TMOD1: variants seen among roughly 807,000 people sequenced by gnomAD.
TMOD1 encodes tropomodulin 1.
TMOD1 carries 17 observed loss-of-function variants against 40.6 expected under a neutral mutation model. The ratio of observed to expected loss-of-function variants is 0.42; its 90% CI spans 0.29 to 0.63. The LOEUF is 0.63. Ranked by LOEUF, TMOD1 falls within the 20% of genes least tolerant of loss-of-function variation. TMOD1 has a pLI of 0.22. For missense variants in TMOD1, 391 were observed against 447.6 expected (o/e 0.87, Z 1.14); for synonymous variants, 181 against 175.0 (o/e 1.03, Z -0.27).
At chr9:97,596,043 C>T (rs1826103555) in intron 9 of TMOD1, among the ~76,000 whole-genome samples, 1 of 151,254 alleles carries the variant, frequency 6.6e-6, no homozygotes, top group Admixed American at 6.6e-5. Flanking sequence ...CATTGCACTT[C>T]AGTGTGGGCA....
chr9:97,556,173 GTGAGATTGCATC>G lies in TMOD1; in HGVS notation c.397+2780_397+2791del, dbSNP rs200736356. 7.2e-3 allele frequency among the ~76,000 whole-genome samples: 1,102 copies of G among 152,246 alleles called. 66 individuals are homozygous for G. Among genetic ancestry groups the G allele is most frequent in the Admixed American group, 0.067 (1,019 of 15,288 alleles). ...ATGAGGCCGAGGCCTGGGCAGAGCT[GTGAGATTGCATC>G]TGAGATGCAGCTTCACCAAGAGCCC... On this transcript the variant is annotated intron_variant, in intron 4 of 9. Coordinates refer to ENST00000259365, the MANE Select transcript of TMOD1 (RefSeq NM_003275.4).
At chr9:97,568,311 C>T (rs909898047) in intron 7 of TMOD1, among the ~76,000 whole-genome samples, 27 of 152,066 alleles carry the variant, frequency 1.8e-4, no homozygotes, top group African/African-American at 6.3e-4. Flanking sequence ...TTTCAGCCCA[C>T]CAGGAGTATA....
chr9:97,555,319 T>G, intron 4 of TMOD1: 1 of 1,136,424 alleles, frequency 8.8e-7, no homozygotes, highest in Non-Finnish European at 1.1e-6. Flanking sequence ...CATCTCCACA[T>G]GGACTGGGGC....
At chr9:97,563,409 G>C (rs946862246) in intron 5 of TMOD1, among the ~76,000 whole-genome samples, 1 of 152,186 alleles carries the variant, frequency 6.6e-6, no homozygotes, top group South Asian at 2.1e-4. Flanking sequence ...TGTGGGATGA[G>C]ACCAAACTTT....
intron 2 of TMOD1, among the ~76,000 whole-genome samples, chr9:97,528,509 T>C (rs1173589435): frequency 6.6e-6 from 1 of 152,142 alleles, no homozygotes; most frequent in Admixed American, 6.5e-5. Flanking sequence ...GCCACACAAT[T>C]GATCCCTTCA....
At chr9:97,579,059 A>C (rs1442928554) in intron 8 of TMOD1, among the ~76,000 whole-genome samples, 3 of 152,088 alleles carry the variant, frequency 2.0e-5, no homozygotes, top group Non-Finnish European at 4.4e-5. Flanking sequence ...ACCTCTTCCC[A>C]GCATTCTCAG....
At chr9:97,560,471 G>A (rs993725170) in intron 4 of TMOD1, among the ~76,000 whole-genome samples, 1 of 151,812 alleles carries the variant, frequency 6.6e-6, no homozygotes, top group Non-Finnish European at 1.5e-5. Context: ...TATTGAATGG[G>A]GCGTACTTAG....
At chr9:97,545,707 T>G (rs1830349789) in intron 2 of TMOD1, among the ~76,000 whole-genome samples, 1 of 152,082 alleles carries the variant, frequency 6.6e-6, no homozygotes, top group Non-Finnish European at 1.5e-5. Context: ...CCTGCCTGAT[T>G]CTCCATCCAG....
At chr9:97,562,630 G>A in intron 4 of TMOD1, 102 bp from the exon 5 acceptor site, 1 of 754,342 alleles carries the variant, frequency 1.3e-6, no homozygotes, top group South Asian at 2.3e-5. Flanking sequence ...AGTGTTTCTT[G>A]CCATTTCTGT....
chr9:97,590,147 C>T (rs888356574), intron 8 of TMOD1, among the ~76,000 whole-genome samples: 7 of 151,918 alleles, frequency 4.6e-5, no homozygotes, highest in Non-Finnish European at 8.8e-5. Flanking sequence ...TTTAGAGCTG[C>T]CCACATTCTA....
At chr9:97,554,813 T>C (rs1490418560) in intron 4 of TMOD1, among the ~76,000 whole-genome samples, 1 of 151,940 alleles carries the variant, frequency 6.6e-6, no homozygotes, top group African/African-American at 2.4e-5. Context: ...AGTAGTGTTG[T>C]GCATGACTTT....
chr9:97,548,826 T>G (rs1830407286), intron 3 of TMOD1, among the ~76,000 whole-genome samples: 1 of 152,158 alleles, frequency 6.6e-6, no homozygotes, highest in Non-Finnish European at 1.5e-5. Context: ...TTGGAGTATT[T>G]GAATGCTAGT....
chr9:97,572,868 A>T (rs1024747445), intron 8 of TMOD1, among the ~76,000 whole-genome samples: 10 of 152,156 alleles, frequency 6.6e-5, no homozygotes, highest in African/African-American at 2.4e-4. Context: ...TGACTCAAAT[A>T]GTCTCTCTAT....
chr9:97,596,579 G>A (rs1486224672), intron 9 of TMOD1, among the ~76,000 whole-genome samples: 1 of 152,194 alleles, frequency 6.6e-6, no homozygotes, highest in Non-Finnish European at 1.5e-5. Flanking sequence ...CCCACAATCC[G>A]TGGGCAGGAC....
At chr9:97,540,487 A>G (rs1230610352) in intron 2 of TMOD1, among the ~76,000 whole-genome samples, 1 of 152,188 alleles carries the variant, frequency 6.6e-6, no homozygotes, top group Admixed American at 6.5e-5. Flanking sequence ...GTCTCCAATT[A>G]TAGTCACTCT....
chr9:97,560,708 T>TA (rs1157716247), intron 4 of TMOD1, among the ~76,000 whole-genome samples: 1 of 149,526 alleles, frequency 6.7e-6, no homozygotes, highest in Non-Finnish European at 1.5e-5. Context: ...ATTGTATATA[T>TA]AAAAAATACA....
chr9:97,563,113 G>A (rs1360620410), intron 5 of TMOD1, among the ~76,000 whole-genome samples: 2 of 152,162 alleles, frequency 1.3e-5, no homozygotes, highest in Admixed American at 6.5e-5. Context: ...GAGTGCATTG[G>A]CACAATCTTG....
At chr9:97,538,068 C>G (rs1382335584) in intron 2 of TMOD1, among the ~76,000 whole-genome samples, 2 of 152,156 alleles carry the variant, frequency 1.3e-5, no homozygotes, top group Non-Finnish European at 2.9e-5. Context: ...ATCCACATTC[C>G]TACATGTCAA....
chr9:97,544,780 G>T (rs1830334694), intron 2 of TMOD1, among the ~76,000 whole-genome samples: 1 of 152,066 alleles, frequency 6.6e-6, no homozygotes, highest in Admixed American at 6.6e-5. Flanking sequence ...GGCCAAGGCA[G>T]GCAGATCACT....
Sources: gnomAD v4.1 joint callset for allele counts (sites outside exome capture counted in the v4.1 genomes callset) on GRCh38, gnomAD v4.1.1 for gene constraint, MANE v1.5 for transcripts, NCBI Gene and HGNC (gene_info 2026-07-23, HGNC 2026-07-21) for gene names.